DPP10: variants seen among roughly 807,000 people sequenced by gnomAD.
DPP10 encodes dipeptidyl peptidase like 10.
In DPP10, 33 loss-of-function variants were observed where a neutral mutation model predicts 120.9. The observed-to-expected ratio is 0.27, with a 90% CI of 0.21 to 0.37. DPP10 has a LOEUF of 0.37. DPP10 is among the 10% of genes least tolerant of loss of function. The pLI is 1.00. For synonymous variants in DPP10, 337 were observed against 326.1 expected (o/e 1.03, Z -0.36); for missense variants, 816 against 942.8 (o/e 0.87, Z 1.76).
At chr2:115,804,940 T>C (rs373684520) in intron 19 of DPP10, among the ~76,000 whole-genome samples, 2,728 of 152,206 alleles carry the variant, frequency 0.018, 80 homozygotes, top group African/African-American at 0.06. Context: ...CTGGGAAAAC[T>C]ACTACTCTCT....
At chr2:115,013,708 A>G (rs945125641) in intron 1 of DPP10, among the ~76,000 whole-genome samples, 1 of 151,934 alleles carries the variant, frequency 6.6e-6, no homozygotes. Context: ...AGTCTCTGAT[A>G]AAACAGACTT....
intron 1 of DPP10, among the ~76,000 whole-genome samples, chr2:114,965,666 C>T (rs1175625006): frequency 1.3e-5 from 2 of 151,880 alleles, no homozygotes; most frequent in African/African-American, 4.8e-5. Context: ...AGAGGCATAC[C>T]TATGTTTCCA....
chr2:114,847,151 G>T (rs75708940), intron 1 of DPP10, among the ~76,000 whole-genome samples: 3,220 of 152,178 alleles, frequency 0.021, 123 homozygotes, highest in African/African-American at 0.074. Context: ...TGGGATTACA[G>T]GAGTGAGCCA....
intron 1 of DPP10, among the ~76,000 whole-genome samples, chr2:115,007,119 C>T (rs1701909174): frequency 6.6e-6 from 1 of 152,152 alleles, no homozygotes; most frequent in African/African-American, 2.4e-5. Flanking sequence ...TGAATGACTA[C>T]TGGGTACATA....
chr2:115,506,836 C>G (rs1402067889), intron 4 of DPP10, among the ~76,000 whole-genome samples: 1 of 152,040 alleles, frequency 6.6e-6, no homozygotes, highest in Non-Finnish European at 1.5e-5. Flanking sequence ...AAGAGGAAAA[C>G]TGTGAGTGTG....
chr2:114,677,702 T>G (rs1698760149), intron 1 of DPP10, among the ~76,000 whole-genome samples: 1 of 152,058 alleles, frequency 6.6e-6, no homozygotes, highest in East Asian at 1.9e-4. Flanking sequence ...TAAAGGAATA[T>G]AGTGTTTGTT....
At chr2:115,614,649 TC>T (rs1244755201) in intron 5 of DPP10, among the ~76,000 whole-genome samples, 2 of 152,152 alleles carry the variant, frequency 1.3e-5, no homozygotes, top group African/African-American at 4.8e-5. Context: ...GGTCTGAAAC[TC>T]CTGACCTCAG....
At chr2:115,112,809 T>C (rs571056052) in intron 1 of DPP10, among the ~76,000 whole-genome samples, 86 of 152,332 alleles carry the variant, frequency 5.6e-4, no homozygotes, top group Non-Finnish European at 5.3e-4. Context: ...TTAATAATTC[T>C]CTTTTATTTT....
intron 1 of DPP10, among the ~76,000 whole-genome samples, chr2:114,630,169 A>T (rs575435282): frequency 1.3e-5 from 2 of 152,270 alleles, no homozygotes; most frequent in South Asian, 2.1e-4. Context: ...TTCACTTCTA[A>T]AATTTTAAAA....
At chr2:114,714,252 A>G (rs1462431919) in intron 1 of DPP10, among the ~76,000 whole-genome samples, 4 of 152,186 alleles carry the variant, frequency 2.6e-5, no homozygotes, top group Non-Finnish European at 5.9e-5. Context: ...CTCCAGCAAC[A>G]TAGTGGCAGC....
chr2:114,663,053 CAT>C (rs938836958), intron 1 of DPP10, among the ~76,000 whole-genome samples: 10 of 152,064 alleles, frequency 6.6e-5, no homozygotes, highest in African/African-American at 1.4e-4. Flanking sequence ...AATAAAGACA[CAT>C]ATATGTGTAT....
At chr2:115,188,419 A>G (rs2054625593) in intron 1 of DPP10, among the ~76,000 whole-genome samples, 1 of 152,186 alleles carries the variant, frequency 6.6e-6, no homozygotes, top group Non-Finnish European at 1.5e-5. Context: ...CTAGAACTAC[A>G]TTATGGTAAA....
At chr2:114,446,154 CTT>C (rs1191664975) in intron 1 of DPP10, among the ~76,000 whole-genome samples, 5 of 152,280 alleles carry the variant, frequency 3.3e-5, no homozygotes, top group Non-Finnish European at 4.4e-5. Context: ...GGGTAGCAAA[CTT>C]GAGTTTTTCC....
At chr2:115,838,730 A>T (rs1375451429) in intron 24 of DPP10, among the ~76,000 whole-genome samples, 1 of 152,160 alleles carries the variant, frequency 6.6e-6, no homozygotes, top group Non-Finnish European at 1.5e-5. Context: ...AAATACAAGC[A>T]GAGGTTCAGC....
At chr2:115,447,727 G>A (rs2072739797) in intron 3 of DPP10, among the ~76,000 whole-genome samples, 1 of 152,148 alleles carries the variant, frequency 6.6e-6, no homozygotes, top group Non-Finnish European at 1.5e-5. Context: ...ATGATTGTAA[G>A]TTTCTTGAGA....
rs2086955049 is a variant in DPP10, at chr2:115,643,455, T to A, written c.442-46232T>A. 2.0e-5 allele frequency among the ~76,000 whole-genome samples: 3 copies of A among 152,160 alleles called. No homozygotes were observed. The South Asian group carries it at 6.2e-4, about 31-fold the overall frequency. On this transcript the variant is annotated intron_variant, in intron 5 of 25. Coordinates refer to ENST00000410059, the MANE Select transcript of DPP10 (RefSeq NM_020868.6). ...AGCTCAAGGGTCTACCTGTATAGACTGCGAAATCCATATACTGCACCAAGA... is the reference window on the plus strand; with the variant it reads ...AGCTCAAGGGTCTACCTGTATAGACAGCGAAATCCATATACTGCACCAAGA...
chr2:114,549,663 CAAAAAAA>C (rs869226518), intron 1 of DPP10, among the ~76,000 whole-genome samples: 19 of 76,484 alleles, frequency 2.5e-4, no homozygotes, highest in East Asian at 4.8e-4. Flanking sequence ...TGTGTGTCAA[CAAAAAAA>C]AAAAAAAAAA....
At chr2:114,777,937 G>A (rs1362871160) in intron 1 of DPP10, among the ~76,000 whole-genome samples, 14 of 152,066 alleles carry the variant, frequency 9.2e-5, no homozygotes, top group Admixed American at 9.2e-4. Context: ...TAGTGGTAAA[G>A]CATGGACTTT....
chr2:115,406,486 T>A (rs2068517956), intron 3 of DPP10, among the ~76,000 whole-genome samples: 1 of 152,158 alleles, frequency 6.6e-6, no homozygotes. Flanking sequence ...AGGTGATGGA[T>A]ATGGTAACTA....
Sources: allele counts gnomAD v4.1 joint callset (sites outside exome capture counted in the v4.1 genomes callset), GRCh38; gene constraint gnomAD v4.1.1; transcripts MANE v1.5; gene names NCBI Gene and HGNC (gene_info 2026-07-23, HGNC 2026-07-21).